The following SANBR variants were observed in gnomAD, a reference collection of about 807,000 sequenced individuals.
SANBR encodes SANT and BTB domain regulator of class switch recombination.
SANBR carries 77 observed loss-of-function variants against 101.8 expected under a neutral mutation model. That is an observed-to-expected ratio of 0.76 (90% CI 0.63 to 0.91). The LOEUF is 0.91. Ranked by LOEUF, SANBR falls within the 40% of genes least tolerant of loss-of-function variation. The probability of loss-of-function intolerance (pLI) is 0.00; values close to 1 mark genes in which losing one functional copy is unlikely to be tolerated. For synonymous variants in SANBR, 279 were observed against 274.7 expected, an observed-to-expected ratio of 1.02 and a Z score of -0.15; for missense variants, 875 against 853.0, an observed-to-expected ratio of 1.03 and a Z score of -0.32.
chr2:61,106,433 G>A (rs111921053), intron 13 of SANBR, 130 bp from the exon 14 acceptor site: 7,907 of 534,680 alleles, frequency 0.015, 73 homozygotes, highest in Non-Finnish European at 0.02. Flanking sequence ...CATTGTTGAC[G>A]TGATATCCTT....
In SANBR at chr2:61,122,387, G is replaced by T; in HGVS notation, c.*225G>T. 1 of 1,215,756 alleles carries T rather than the reference G, an allele frequency of 8.2e-7. No homozygotes were observed. Among genetic ancestry groups the T allele is most frequent in the Non-Finnish European group, 1.0e-6 (1 of 967,134 alleles). The allele number at this position is 1,215,756 out of a possible 1,614,324, so 75.3% of individuals were successfully genotyped here. On this transcript the variant is annotated 3_prime_UTR_variant, in exon 22 of 22. Coordinates refer to ENST00000402291, the MANE Select transcript of SANBR (RefSeq NM_001129993.3). ...CTGATTTTCTTCTAATATCATTCTA[G>T]GCTATGTAGAAAGCAATTATTTACA... is the stretch of plus-strand genomic sequence containing the variant.
intron 11 of SANBR, chr2:61,093,173 A>C (rs1049102800): frequency 2.6e-5 from 4 of 152,210 alleles, no homozygotes; most frequent in African/African-American, 9.6e-5. Flanking sequence ...AAATAAAACT[A>C]GTGGCAAAAG....
At chr2:61,079,270 G>T (rs1196157500) in intron 6 of SANBR, among the ~76,000 whole-genome samples, 1 of 151,994 alleles carries the variant, frequency 6.6e-6, no homozygotes, top group Non-Finnish European at 1.5e-5. Flanking sequence ...TGTTCTAAAT[G>T]GTAGCATACT....
At chr2:61,103,137 CTT>C (rs398060223) in intron 12 of SANBR, among the ~76,000 whole-genome samples, 54 of 134,776 alleles carry the variant, frequency 4.0e-4, no homozygotes, top group Non-Finnish European at 4.0e-4. Context: ...ATTTTTCTTT[CTT>C]TTTTTTTTTT....
intron 1 of SANBR, among the ~76,000 whole-genome samples, chr2:61,067,817 C>G (rs1476208925): frequency 6.6e-6 from 1 of 152,206 alleles, no homozygotes; most frequent in East Asian, 1.9e-4. Flanking sequence ...GATGCAAGTA[C>G]TAGGCAAACA....
At chr2:61,088,566 C>A in intron 10 of SANBR, 98 bp downstream of exon 10, 1 of 795,920 alleles carries the variant, frequency 1.3e-6, no homozygotes, top group Non-Finnish European at 1.9e-6. Flanking sequence ...GTCACCCAGG[C>A]TGGCGTGCAG....
downstream of SANBR, among the ~76,000 whole-genome samples, chr2:61,126,868 G>A (rs755157146): frequency 4.6e-5 from 7 of 150,620 alleles, no homozygotes; most frequent in Non-Finnish European, 7.4e-5. Context: ...TATTTACTAC[G>A]CTGGAATATA....
intron 1 of SANBR, among the ~76,000 whole-genome samples, chr2:61,066,746 T>C (rs568701127): frequency 2.0e-5 from 3 of 152,312 alleles, no homozygotes; most frequent in Admixed American, 2.0e-4. Context: ...AAAAAATATA[T>C]CAGATTCCTG....
Position 61,123,254 on chromosome 2 carries a change from T to C in SANBR, c.*1092T>C, listed in dbSNP as rs1242027715. The C allele has an allele frequency of 2.0e-6, 2 of 977,508 alleles. No individual in the cohort carries two copies. The highest frequency in any genetic ancestry group is 3.5e-5 in the African/African-American group (2 of 57,082). The allele number at this position is 977,508 out of a possible 1,614,324, so 60.6% of individuals were successfully genotyped here. On this transcript the variant is annotated 3_prime_UTR_variant, in exon 22 of 22. Coordinates refer to ENST00000402291, the MANE Select transcript of SANBR (RefSeq NM_001129993.3). The stretch of plus-strand genomic sequence containing the variant: ...TGCACTGTTTCTATTTTTTTAAGTC[T>C]TAATTTGCCTTATAACTGACATTTC...
At chr2:61,093,188 G>A (rs1162246785) in intron 11 of SANBR, 3 of 152,080 alleles carry the variant, frequency 2.0e-5, no homozygotes, top group African/African-American at 7.2e-5. Context: ...CAAAAGCAAT[G>A]GTGCTGTTAA....
intron 1 of SANBR, among the ~76,000 whole-genome samples, chr2:61,068,207 C>T (rs1045933679): frequency 4.6e-5 from 7 of 152,136 alleles, no homozygotes; most frequent in African/African-American, 1.4e-4. Flanking sequence ...TTCAAGTCTT[C>T]TTTCCCCATG....
At position 61,092,401 on chromosome 2, in the gene SANBR, A is replaced by C. The variant is rs532837525; in HGVS notation, c.1089-63A>C. The C allele has an allele frequency of 8.8e-6, 11 of 1,254,268 alleles. No individual in the cohort carries two copies. In the African/African-American group the frequency reaches 1.6e-4, roughly 18 times the overall value. 77.7% of individuals were successfully genotyped at this position (1,254,268 alleles called of 1,614,324 possible). ...CTCCATCTCAAAGAAGATAATAATTAAATAAATAAATAAAACAAATTGTTT... is the reference window on the plus strand; with the variant it reads ...CTCCATCTCAAAGAAGATAATAATTCAATAAATAAATAAAACAAATTGTTT... On this transcript the variant is annotated intron_variant, in intron 10 of 21. Coordinates refer to ENST00000402291, the MANE Select transcript of SANBR (RefSeq NM_001129993.3).
At chr2:61,138,008 C>G (rs1296062269) in exon 22 of SANBR, 1 of 152,166 alleles carries the variant, frequency 6.6e-6, no homozygotes, top group African/African-American at 2.4e-5. Flanking sequence ...TATTAATCTA[C>G]TAATATATAT....
intron 4 of SANBR, among the ~76,000 whole-genome samples, chr2:61,072,082 C>G (rs374557480): frequency 2.6e-5 from 4 of 151,906 alleles, no homozygotes; most frequent in Admixed American, 6.6e-5. Context: ...GGACTAGAGA[C>G]GTGCACCACC....
chr2:61,074,334 G>A (rs1681644300), intron 5 of SANBR, among the ~76,000 whole-genome samples: 1 of 152,164 alleles, frequency 6.6e-6, no homozygotes, highest in Admixed American at 6.5e-5. Context: ...TTTACTTTTT[G>A]TATATTTAAC....
At chr2:61,112,849 A>AT (rs1683899839) in intron 16 of SANBR, among the ~76,000 whole-genome samples, 1 of 152,140 alleles carries the variant, frequency 6.6e-6, no homozygotes, top group African/African-American at 2.4e-5. Context: ...GTGAATTCTA[A>AT]TTTTTTAGTT....
chr2:61,109,325 TC>T, intron 16 of SANBR, 29 bp downstream of exon 16: 1 of 1,281,014 alleles, frequency 7.8e-7, no homozygotes, highest in Non-Finnish European at 1.1e-6. Flanking sequence ...AAATCAAATC[TC>T]CCTGTTTATG....
At position 61,070,569 on chromosome 2, in the gene SANBR, CAA is replaced by C. The variant is rs2104841271; in HGVS notation, c.150+70_150+71del. 6.4e-6 allele frequency: 9 copies of C among 1,398,214 alleles called. No homozygotes were observed. The East Asian group carries it at 7.2e-5, about 11-fold the overall frequency. 86.6% of individuals were successfully genotyped at this position (1,398,214 alleles called of 1,614,324 possible). A position where few individuals can be genotyped will look rare whatever the true frequency, so the allele number is the denominator to read the frequency against. On this transcript the variant is annotated intron_variant, in intron 3 of 21. Transcript: ENST00000402291. ...AAAGGTCATCAATTTAAAGAAACAC[CAA>C]GAGAGAGAAAAATATTTGAGTTTTA...
intron 20 of SANBR, among the ~76,000 whole-genome samples, chr2:61,120,287 A>G (rs1444255118): frequency 6.6e-6 from 1 of 151,552 alleles, no homozygotes; most frequent in Non-Finnish European, 1.5e-5. Flanking sequence ...CGGATCACAA[A>G]GTCAAGAGAT....
Sources: allele counts gnomAD v4.1 joint callset (sites outside exome capture counted in the v4.1 genomes callset), GRCh38; gene constraint gnomAD v4.1.1; transcripts MANE v1.5; gene names NCBI Gene and HGNC (gene_info 2026-07-23, HGNC 2026-07-21).